Variants in PAAF1 observed in about 807,000 individuals in gnomAD.
PAAF1 encodes the protein proteasomal ATPase associated factor 1.
A neutral mutation model predicts 52.8 loss-of-function variants in PAAF1; 46 were observed. The ratio of observed to expected loss-of-function variants is 0.87; its 90% CI spans 0.69 to 1.11. The LOEUF is 1.11. PAAF1 is among the 50% of genes most tolerant of loss of function. The pLI is 0.00. For missense variants in PAAF1, 424 were observed against 477.4 expected, an observed-to-expected ratio of 0.89 and a Z score of 1.04; for synonymous variants, 178 against 172.8, an observed-to-expected ratio of 1.03 and a Z score of -0.24.
chr11:73,889,394 A>T lies in PAAF1; in HGVS notation c.193-1718A>T, dbSNP rs1346398770. The T allele has an allele frequency of 2.5e-5, 12 of 486,492 alleles. No homozygotes were observed. In the South Asian group the frequency reaches 8.9e-4, roughly 36 times the overall value. The allele number at this position is 486,492 out of a possible 1,614,324, so 30.1% of individuals were successfully genotyped here. A position where few individuals can be genotyped will look rare whatever the true frequency, so the allele number is the denominator to read the frequency against. On this transcript the variant is annotated intron_variant, in intron 3 of 11. Coordinates refer to ENST00000310571, the MANE Select transcript of PAAF1 (RefSeq NM_025155.3). ...GGAGCATAAAAATGTTTGACTTAGA[A>T]TTTTATCTTAGTGCAGCATACTCAC...
Position 73,920,037 on chromosome 11 carries a change from G to GA in PAAF1, c.1018+1016dup, listed in dbSNP as rs537316650. ...TCCAGGATGTTAAGGAAAGACTGGT[G>GA]AAAAAAAAAAAGCATGCTGTTTAGG... On this transcript the variant is annotated intron_variant, in intron 10 of 11. Coordinates refer to ENST00000310571, the MANE Select transcript of PAAF1 (RefSeq NM_025155.3). Among the ~76,000 whole-genome samples the GA allele has an allele frequency of 2.4e-3, 344 of 142,514 alleles. 2 individuals are homozygous for GA. The highest frequency in any genetic ancestry group is 7.8e-3 in the African/African-American group (305 of 38,964). 93.5% of individuals were successfully genotyped at this position (142,514 alleles called of 152,430 possible). A position where few individuals can be genotyped will look rare whatever the true frequency, so the allele number is the denominator to read the frequency against.
intron 1 of PAAF1, among the ~76,000 whole-genome samples, chr11:73,877,623 T>C (rs1948779721): frequency 6.6e-6 from 1 of 152,162 alleles, no homozygotes; most frequent in East Asian, 1.9e-4. Context: ...CAGTGGCTCA[T>C]GCCTGTAATC....
At chr11:73,896,695 CCTCTTTCTACA>C (rs1949377933) in intron 4 of PAAF1, among the ~76,000 whole-genome samples, 1 of 152,226 alleles carries the variant, frequency 6.6e-6, no homozygotes, top group Non-Finnish European at 1.5e-5. Context: ...CCCATGTCTA[CCTCTTTCTACA>C]CAGACACGGC....
Position 73,899,144 on chromosome 11 carries a change from A to G in PAAF1, c.283-2A>G. ...CACATTGTTTGTTTTCTCTTTGAAC[A>G]GATAACATGCCTGGACATTTCCAGC... On this transcript the variant is annotated splice_acceptor_variant, in intron 4 of 11. Coordinates refer to ENST00000310571, the MANE Select transcript of PAAF1 (RefSeq NM_025155.3). LOFTEE classifies it high-confidence loss of function. The G allele has an allele frequency of 6.2e-7, 1 of 1,610,656 alleles. No homozygotes were observed. Among genetic ancestry groups the G allele is most frequent in the Non-Finnish European group, 8.5e-7 (1 of 1,176,932 alleles).
chr11:73,889,158 C>G (rs1949137365), intron 3 of PAAF1: 1 of 1,522,830 alleles, frequency 6.6e-7, no homozygotes. Context: ...CTTCTTTCTT[C>G]CCTTCATACT....
At chr11:73,897,911 G>A (rs12366229) in intron 4 of PAAF1, among the ~76,000 whole-genome samples, 12,973 of 152,092 alleles carry the variant, frequency 0.085, 662 homozygotes, top group South Asian at 0.26. Context: ...CTGAGTGAAC[G>A]AGACTCCGTC....
At chr11:73,909,263 T>C in intron 6 of PAAF1, 136 bp from the exon 7 acceptor site, 1 of 687,278 alleles carries the variant, frequency 1.5e-6, no homozygotes, top group Non-Finnish European at 2.4e-6. Flanking sequence ...TTCTAGCACT[T>C]GAACATGGCC....
At chr11:73,902,714 TG>T (rs1949655558) in intron 6 of PAAF1, among the ~76,000 whole-genome samples, 1 of 152,328 alleles carries the variant, frequency 6.6e-6, no homozygotes, top group African/African-American at 2.4e-5. Flanking sequence ...TTATTTTTTT[TG>T]AGATGGAGTC....
At chr11:73,892,304 C>T (rs1045795986) in intron 4 of PAAF1, among the ~76,000 whole-genome samples, 17 of 120,990 alleles carry the variant, frequency 1.4e-4, no homozygotes, top group Non-Finnish European at 2.5e-4. Flanking sequence ...GCCTGGGCAA[C>T]AGAATGAGAC....
At chr11:73,891,259 TTTGC>T (rs1300224644) in intron 4 of PAAF1, 58 bp downstream of exon 4, 26 of 1,009,028 alleles carry the variant, frequency 2.6e-5, no homozygotes, top group Non-Finnish European at 3.9e-5. Flanking sequence ...TTTCATTTTA[TTTGC>T]TTGTCTAGTG....
chr11:73,912,034 T>C (rs1291846635), intron 7 of PAAF1, among the ~76,000 whole-genome samples: 2 of 152,196 alleles, frequency 1.3e-5, no homozygotes, highest in Admixed American at 6.5e-5. Context: ...CAAAAAACTT[T>C]TTTTTTTCAT....
chr11:73,908,907 G>A (rs2135198883), intron 6 of PAAF1, among the ~76,000 whole-genome samples: 1 of 152,194 alleles, frequency 6.6e-6, no homozygotes, highest in South Asian at 2.1e-4. Flanking sequence ...TCCTGCCTCA[G>A]CCTCCTGTTT....
intron 3 of PAAF1, among the ~76,000 whole-genome samples, chr11:73,889,632 GA>G (rs1278384394): frequency 6.6e-6 from 1 of 152,208 alleles, no homozygotes; most frequent in Non-Finnish European, 1.5e-5. Context: ...TAGCTCCAAA[GA>G]AATGAAGTCT....
chr11:73,909,992 C>G (rs1037995155), intron 7 of PAAF1, among the ~76,000 whole-genome samples: 1 of 152,154 alleles, frequency 6.6e-6, no homozygotes, highest in Admixed American at 6.5e-5. Flanking sequence ...TGTGTTGGGC[C>G]TCATTCAGAG....
chr11:73,904,067 G>C (rs1057079641), intron 6 of PAAF1, among the ~76,000 whole-genome samples: 6 of 151,010 alleles, frequency 4.0e-5, no homozygotes, highest in Non-Finnish European at 8.8e-5. Flanking sequence ...CTGGGCAACA[G>C]AGCGAGACTC....
chr11:73,924,473 G>C, intron 10 of PAAF1, 142 bp from the exon 11 acceptor site: 1 of 665,022 alleles, frequency 1.5e-6, no homozygotes, highest in South Asian at 1.9e-5. Context: ...GTTGGCCCAC[G>C]TAATAAGATC....
chr11:73,898,432 T>C (rs911705598), intron 4 of PAAF1, among the ~76,000 whole-genome samples: 1 of 152,074 alleles, frequency 6.6e-6, no homozygotes, highest in Non-Finnish European at 1.5e-5. Context: ...CCCAGGCTGG[T>C]CTCGAACTCC....
At chr11:73,884,881 A>G (rs1335236898) in intron 2 of PAAF1, among the ~76,000 whole-genome samples, 2 of 143,576 alleles carry the variant, frequency 1.4e-5, no homozygotes, top group African/African-American at 5.3e-5. Context: ...TTTTTTTGAG[A>G]CGGAGTCTCG....
intron 2 of PAAF1, among the ~76,000 whole-genome samples, chr11:73,884,906 C>T (rs1240161600): frequency 2.7e-5 from 4 of 150,274 alleles, no homozygotes; most frequent in African/African-American, 9.8e-5. Context: ...GTCGCCCAGG[C>T]TGGAGTGCAG....
Sources: allele counts gnomAD v4.1 joint callset (sites outside exome capture counted in the v4.1 genomes callset), GRCh38; gene constraint gnomAD v4.1.1; transcripts MANE v1.5; gene names NCBI Gene and HGNC (gene_info 2026-07-23, HGNC 2026-07-21).